ADGRA2: variants seen among roughly 807,000 people sequenced by gnomAD.
The protein encoded by ADGRA2 is adhesion G protein-coupled receptor A2, also known as G-protein coupled receptor 124.
In ADGRA2, 61 loss-of-function variants were observed where a neutral mutation model predicts 98.7. That is an observed-to-expected ratio of 0.62 (90% confidence interval 0.50 to 0.76). The LOEUF is 0.76. Ranked by LOEUF, ADGRA2 falls within the 30% of genes least tolerant of loss-of-function variation. The pLI is 0.00. For synonymous variants in ADGRA2, 858 were observed against 831.5 expected, an observed-to-expected ratio of 1.03 and a Z score of -0.55; for missense variants, 1,712 against 1,860.0, an observed-to-expected ratio of 0.92 and a Z score of 1.46.
chr8:37,831,996 G>GT (rs1158013757), intron 8 of ADGRA2, among the ~76,000 whole-genome samples: 17 of 152,232 alleles, frequency 1.1e-4, no homozygotes, highest in Admixed American at 6.5e-4. Flanking sequence ...GGAGGCGGAG[G>GT]TTGCAGTGAG....
intron 1 of ADGRA2, among the ~76,000 whole-genome samples, chr8:37,799,627 A>G (rs988822568): frequency 2.0e-5 from 3 of 152,174 alleles, no homozygotes; most frequent in Non-Finnish European, 4.4e-5. Flanking sequence ...GAGCTGGGCC[A>G]GCTCTTGGTA....
rs1805878778 is a variant in ADGRA2, at chr8:37,843,522, C to A, written c.*1167C>A. ...CGTCTTTTCCCCAACCTAAAACCAA[C>A]CACCAGCATTTCACTACAGGACCAA... On this transcript the variant is annotated 3_prime_UTR_variant, in exon 19 of 19. Transcript: ENST00000412232. 1 of 152,252 alleles carries A rather than the reference C, an allele frequency of 6.6e-6. No homozygotes were observed. Among genetic ancestry groups the A allele is most frequent in the African/African-American group, 2.4e-5 (1 of 41,434 alleles). 9.4% of individuals were successfully genotyped at this position (152,252 alleles called of 1,614,324 possible).
chr8:37,830,641 C>A lies in ADGRA2; in HGVS notation c.719-69C>A. On this transcript the variant is annotated intron_variant, in intron 6 of 18. Transcript: ENST00000412232. The surrounding 1 kb of genome is among the most constrained non-coding windows in gnomAD (Gnocchi z 4.8). The stretch of plus-strand genomic sequence containing the variant: ...CCCCGCCCCACCCCATCCTGCTGGA[C>A]TCTCGCTCACACGTGCAGCCTCACA... 2.0e-6 allele frequency: 1 copy of A among 494,406 alleles called. No individual in the cohort carries two copies. 30.6% of individuals were successfully genotyped at this position (494,406 alleles called of 1,614,324 possible).
At chr8:37,815,272 T>TG (rs1804945718) in intron 2 of ADGRA2, among the ~76,000 whole-genome samples, 4 of 152,260 alleles carry the variant, frequency 2.6e-5, no homozygotes, top group Admixed American at 1.3e-4. Context: ...AGCTCTCGAC[T>TG]GGCCTCCCCC....
At chr8:37,810,952 TAA>T (rs113103025) in intron 1 of ADGRA2, among the ~76,000 whole-genome samples, 1 of 147,512 alleles carries the variant, frequency 6.8e-6, no homozygotes, top group African/African-American at 2.5e-5. Flanking sequence ...CCGTCTCTAC[TAA>T]AAAAAAAATA....
intron 1 of ADGRA2, among the ~76,000 whole-genome samples, chr8:37,799,515 G>T (rs1372182327): frequency 6.6e-6 from 1 of 152,174 alleles, no homozygotes; most frequent in East Asian, 1.9e-4. Flanking sequence ...CATATCAAAG[G>T]CAGAAGGAAG....
chr8:37,822,644 G>A (rs533164322), intron 2 of ADGRA2, among the ~76,000 whole-genome samples: 1 of 152,182 alleles, frequency 6.6e-6, no homozygotes, highest in African/African-American at 2.4e-5. Flanking sequence ...CCAGGCCCAA[G>A]CAACCACTAA....
chr8:37,813,597 G>C (rs978484830), intron 1 of ADGRA2, among the ~76,000 whole-genome samples: 1 of 152,100 alleles, frequency 6.6e-6, no homozygotes, highest in Non-Finnish European at 1.5e-5. Flanking sequence ...GTCACCACTG[G>C]GGGGACCATT....
In ADGRA2 at chr8:37,842,609, G is replaced by T; in HGVS notation, c.*254G>T. 1 of 500,852 alleles carries T rather than the reference G, an allele frequency of 2.0e-6. No individual in the cohort carries two copies. The highest frequency in any genetic ancestry group is 3.2e-6 in the Non-Finnish European group (1 of 313,992). The allele number at this position is 500,852 out of a possible 1,614,324, so 31.0% of individuals were successfully genotyped here. ...GACTGTCGGTGCCCTCCCAGGAACG[G>T]GGAAGGCCTCCGTCTGTGTGAAAGG... On this transcript the variant is annotated 3_prime_UTR_variant, in exon 19 of 19. Transcript: ENST00000412232.
At chr8:37,822,300 T>C (rs1805148432) in intron 2 of ADGRA2, among the ~76,000 whole-genome samples, 1 of 151,982 alleles carries the variant, frequency 6.6e-6, no homozygotes, top group Admixed American at 6.6e-5. Context: ...GAACCTATAA[T>C]TTGGTTTTCA....
At chr8:37,825,014 C>T (rs1456055511) in intron 2 of ADGRA2, among the ~76,000 whole-genome samples, 1 of 152,182 alleles carries the variant, frequency 6.6e-6, no homozygotes, top group Non-Finnish European at 1.5e-5. Flanking sequence ...AATCCTCCCT[C>T]CACATCTGGC....
intron 10 of ADGRA2, 57 bp from the exon 11 acceptor site, chr8:37,833,910 C>T (rs1044234865): frequency 1.9e-6 from 3 of 1,605,088 alleles, no homozygotes; most frequent in Non-Finnish European, 1.7e-6. Flanking sequence ...CTCTCTCACT[C>T]CAGCTCCTGG....
intron 11 of ADGRA2, 65 bp from the exon 12 acceptor site, chr8:37,835,109 G>T: frequency 5.1e-6 from 6 of 1,172,138 alleles, no homozygotes; most frequent in Non-Finnish European, 7.6e-6. Flanking sequence ...CATTGAGAGA[G>T]ATGTGCAGTC....
At chr8:37,837,592 T>A (rs1371965670) in intron 13 of ADGRA2, 139 bp from the exon 14 acceptor site, 1 of 712,108 alleles carries the variant, frequency 1.4e-6, no homozygotes, top group African/African-American at 1.8e-5. Context: ...TCTCACCGCA[T>A]GCCCCCAGCC....
intron 1 of ADGRA2, among the ~76,000 whole-genome samples, chr8:37,812,150 ATGG>A (rs200775492): frequency 7.4e-6 from 1 of 134,536 alleles, no homozygotes; most frequent in Non-Finnish European, 1.6e-5. Flanking sequence ...TGCACTTGCA[ATGG>A]TGTTGTTGTT....
intron 1 of ADGRA2, among the ~76,000 whole-genome samples, chr8:37,801,143 C>T (rs1804490626): frequency 6.6e-6 from 1 of 152,202 alleles, no homozygotes; most frequent in African/African-American, 2.4e-5. Context: ...AAAGCCCTCC[C>T]GCCACCTCCA....
At chr8:37,817,906 A>G (rs1563342610) in intron 2 of ADGRA2, among the ~76,000 whole-genome samples, 1 of 152,066 alleles carries the variant, frequency 6.6e-6, no homozygotes, top group Non-Finnish European at 1.5e-5. Context: ...AATCTCAGCT[A>G]CTTGGGAGGC....
chr8:37,827,129 C>G (rs1031219963), intron 2 of ADGRA2, among the ~76,000 whole-genome samples: 4 of 152,254 alleles, frequency 2.6e-5, no homozygotes, highest in African/African-American at 9.6e-5. Flanking sequence ...GGGAGGCCCA[C>G]TGGGCTGTGA....
intron 2 of ADGRA2, among the ~76,000 whole-genome samples, chr8:37,815,505 G>A (rs1804954176): frequency 6.6e-6 from 1 of 152,204 alleles, no homozygotes; most frequent in Non-Finnish European, 1.5e-5. Context: ...TGGCCCTGAG[G>A]CTGCCAGCCA....
Sources: gnomAD v4.1 joint callset for allele counts (sites outside exome capture counted in the v4.1 genomes callset) on GRCh38, gnomAD v4.1.1 for gene constraint, Gnocchi (gnomAD v3.1) non-coding constraint, MANE v1.5 for transcripts, NCBI Gene and HGNC (gene_info 2026-07-23, HGNC 2026-07-21) for gene names.